The following SEC11A variants were observed in gnomAD, a reference collection of about 807,000 sequenced individuals.
SEC11A encodes signal peptidase complex catalytic subunit SEC11A.
Under a neutral mutation model 25.6 loss-of-function variants are expected in SEC11A, and 14 were observed. That is an observed-to-expected ratio of 0.55 (90% confidence interval 0.36 to 0.85). The LOEUF (loss-of-function observed/expected upper bound fraction) is 0.85. Ranked by LOEUF, SEC11A falls within the 40% of genes least tolerant of loss-of-function variation. SEC11A has a pLI of 0.01. For missense variants in SEC11A, 153 were observed against 222.9 expected (o/e 0.69, Z 2.00); for synonymous variants, 83 against 76.4 (o/e 1.09, Z -0.45).
chr15:84,689,657 G>A (rs911118933), intron 2 of SEC11A, among the ~76,000 whole-genome samples: 1 of 149,520 alleles, frequency 6.7e-6, no homozygotes, highest in Admixed American at 6.7e-5. Context: ...ACCCAGGCTG[G>A]AGTGCAATGG....
chr15:84,679,136 G>T, intron 4 of SEC11A: 1 of 401,550 alleles, frequency 2.5e-6, no homozygotes, highest in Non-Finnish European at 4.2e-6. Context: ...TTTGATTATT[G>T]ATATTTTCTT....
rs759898383 is a variant in SEC11A, at chr15:84,700,846, G to A, written c.52-9202C>T. Among the ~76,000 whole-genome samples, 12 of 151,310 alleles carry A rather than the reference G, an allele frequency of 7.9e-5. 1 individual carries two copies. Among genetic ancestry groups the A allele is most frequent in the Non-Finnish European group, 1.6e-4 (11 of 67,896 alleles). On this transcript the variant is annotated intron_variant, in intron 1 of 5. Transcript: ENST00000268220. ...AAATACAAAATTAGCCAGGCGTGGT[G>A]GCGCATGCCTGTAATCCCAGCTACT...
intron 1 of SEC11A, among the ~76,000 whole-genome samples, chr15:84,696,426 C>T (rs1432955638): frequency 6.6e-6 from 1 of 152,124 alleles, no homozygotes; most frequent in African/African-American, 2.4e-5. Flanking sequence ...GTGAGGAATT[C>T]AGTTAAGACT....
At chr15:84,678,442 G>A (rs962902825) in intron 4 of SEC11A, among the ~76,000 whole-genome samples, 9 of 152,022 alleles carry the variant, frequency 5.9e-5, no homozygotes, top group East Asian at 1.9e-4. Context: ...AACATTGTTC[G>A]CAATAAAAAA....
Position 84,680,736 on chromosome 15 carries a change from T to C in SEC11A, c.408A>G (p.Lys136=). ...YKQGQHWLEK[K]DVVGRARGFV... is the part of the protein sequence containing the mutation. ...ACCCCCTGGCTCTCCCCACAACATC[T>C]TTTTTCTCTAGCCAATGTTGTCCTT... is the stretch of plus-strand genomic sequence containing the variant. The change falls in exon 4 of 6, where the codon AAA becomes AAG. Residue 136 remains lysine (K), a synonymous_variant. Transcript: ENST00000268220. 1 of 1,612,212 alleles carries C rather than the reference T, an allele frequency of 6.2e-7. No homozygotes were observed. Among genetic ancestry groups the C allele is most frequent in the African/African-American group, 1.3e-5 (1 of 75,026 alleles).
intron 1 of SEC11A, among the ~76,000 whole-genome samples, chr15:84,705,332 C>T (rs193059319): frequency 2.6e-5 from 4 of 152,116 alleles, no homozygotes; most frequent in African/African-American, 9.7e-5. Context: ...CTGTCTTCTG[C>T]GTGACAGAAA....
intron 1 of SEC11A, among the ~76,000 whole-genome samples, chr15:84,709,169 ATACT>A (rs1898187137): frequency 2.0e-5 from 3 of 152,034 alleles, no homozygotes; most frequent in African/African-American, 2.4e-5. Context: ...TTGGCATAAC[ATACT>A]TATTTTATTA....
intron 1 of SEC11A, among the ~76,000 whole-genome samples, chr15:84,694,520 TG>T: frequency 6.6e-6 from 1 of 152,042 alleles, no homozygotes; most frequent in Non-Finnish European, 1.5e-5. Context: ...TACAAGAATA[TG>T]TAAAAAAAAG....
chr15:84,689,949 A>T (rs978405065), intron 2 of SEC11A, among the ~76,000 whole-genome samples: 11 of 152,152 alleles, frequency 7.2e-5, no homozygotes, highest in African/African-American at 2.7e-4. Context: ...ATTCTCTAAA[A>T]ATGAGTTACT....
chr15:84,674,869 T>C (rs902796042), intron 4 of SEC11A, among the ~76,000 whole-genome samples: 35 of 152,318 alleles, frequency 2.3e-4, no homozygotes, highest in African/African-American at 8.4e-4. Context: ...CTGAAACTTT[T>C]TTTTAAAGGT....
intron 1 of SEC11A, among the ~76,000 whole-genome samples, chr15:84,706,877 A>T (rs1898109416): frequency 1.3e-5 from 2 of 152,222 alleles, no homozygotes; most frequent in Admixed American, 6.5e-5. Context: ...AGCTGCAATT[A>T]CGCAGAAGGT....
In SEC11A at chr15:84,680,637, A is replaced by G. The variant is rs139541520; in HGVS notation, c.431+76T>C. The G allele has an allele frequency of 1.9e-5, 26 of 1,385,144 alleles. No homozygotes were observed. In the East Asian group the frequency reaches 5.6e-4, roughly 30 times the overall value. 85.8% of individuals were successfully genotyped at this position (1,385,144 alleles called of 1,614,324 possible). A position where few individuals can be genotyped will look rare whatever the true frequency, so the allele number is the denominator to read the frequency against. ...ACCAAATCTCTATATTCAACTGTGT[A>G]TGATCAAATAATATGATTGAGAGGG... On this transcript the variant is annotated intron_variant, in intron 4 of 5. Transcript: ENST00000268220.
chr15:84,706,367 T>C (rs960069512), intron 1 of SEC11A, among the ~76,000 whole-genome samples: 1 of 152,170 alleles, frequency 6.6e-6, no homozygotes, highest in Non-Finnish European at 1.5e-5. Flanking sequence ...TGATTGATCC[T>C]GACCATCAGA....
intron 4 of SEC11A, chr15:84,672,915 G>A (rs1435499855): frequency 2.8e-4 from 48 of 172,846 alleles, no homozygotes; most frequent in Non-Finnish European, 4.6e-4. Flanking sequence ...GCCCGGCCGC[G>A]ACCCTGTCTG....
intron 2 of SEC11A, among the ~76,000 whole-genome samples, chr15:84,689,545 GA>G (rs1429340720): frequency 6.6e-6 from 1 of 151,096 alleles, no homozygotes; most frequent in African/African-American, 2.4e-5. Context: ...ATTATCTCCA[GA>G]AAAGATCTGG....
At chr15:84,715,137 AC>A (rs1340406559) in intron 1 of SEC11A, among the ~76,000 whole-genome samples, 1 of 152,180 alleles carries the variant, frequency 6.6e-6, no homozygotes, top group East Asian at 1.9e-4. Context: ...AGTTATAAGT[AC>A]AAAAAATGCA....
intron 1 of SEC11A, among the ~76,000 whole-genome samples, chr15:84,699,305 A>G (rs1596079721): frequency 1.5e-5 from 2 of 133,794 alleles, no homozygotes; most frequent in Admixed American, 8.3e-5. Flanking sequence ...ACAGAGCAAG[A>G]CTCTTGTCTC....
At chr15:84,702,660 G>GA (rs1325540259) in intron 1 of SEC11A, among the ~76,000 whole-genome samples, 8 of 151,988 alleles carry the variant, frequency 5.3e-5, no homozygotes, top group Non-Finnish European at 5.9e-5. Context: ...CAACTTTGAT[G>GA]AAGTAAGTCA....
At chr15:84,689,221 C>A (rs1897526204) in intron 2 of SEC11A, among the ~76,000 whole-genome samples, 1 of 151,946 alleles carries the variant, frequency 6.6e-6, no homozygotes, top group South Asian at 2.1e-4. Flanking sequence ...ACACTCCAGT[C>A]TGGGCGATGG....
Sources: gnomAD v4.1 joint callset for allele counts (sites outside exome capture counted in the v4.1 genomes callset) on GRCh38, gnomAD v4.1.1 for gene constraint, MANE v1.5 for transcripts, NCBI Gene and HGNC (gene_info 2026-07-23, HGNC 2026-07-21) for gene names.